Variants in UPF3A observed in about 807,000 individuals in gnomAD.
UPF3A encodes the protein regulator of nonsense transcripts 3A.
UPF3A carries 42 observed loss-of-function variants against 53.5 expected under a neutral mutation model. The ratio of observed to expected loss-of-function variants is 0.78; its 90% CI spans 0.61 to 1.01. The LOEUF (loss-of-function observed/expected upper bound fraction) is 1.01, where lower values mean the gene tolerates loss of function less well. UPF3A is among the 50% of genes least tolerant of loss of function. The pLI is 0.00. For missense variants in UPF3A, 575 were observed against 598.0 expected (o/e 0.96, Z 0.40); for synonymous variants, 237 against 225.3 (o/e 1.05, Z -0.47).
chr13:114,302,954 T>C (rs2086726794), intron 9 of UPF3A, among the ~76,000 whole-genome samples: 1 of 151,946 alleles, frequency 6.6e-6, no homozygotes, highest in Admixed American at 6.6e-5. Context: ...ATACAAAAAA[T>C]AGCTGGGCGT....
intron 9 of UPF3A, among the ~76,000 whole-genome samples, chr13:114,303,414 G>C (rs1184596387): frequency 1.3e-5 from 2 of 152,132 alleles, no homozygotes; most frequent in African/African-American, 4.8e-5. Flanking sequence ...TACTTTCCCG[G>C]GAGCCTGGCA....
intron 5 of UPF3A, among the ~76,000 whole-genome samples, chr13:114,290,936 G>C (rs2085214079): frequency 6.6e-6 from 1 of 151,594 alleles, no homozygotes; most frequent in East Asian, 1.9e-4. Context: ...GGTTTCCTTA[G>C]GTTGGTCAGG....
chr13:114,285,255 G>A (rs1230818153), intron 3 of UPF3A: 1 of 151,940 alleles, frequency 6.6e-6, no homozygotes, highest in Non-Finnish European at 1.5e-5. Flanking sequence ...GTATTACAAA[G>A]GTTTATTTCT....
chr13:114,300,946 G>T (rs756722374), intron 8 of UPF3A, among the ~76,000 whole-genome samples: 2 of 150,562 alleles, frequency 1.3e-5, no homozygotes, highest in Non-Finnish European at 2.9e-5. Context: ...AGAGTGCTGG[G>T]ATTACAGGCA....
intron 7 of UPF3A, 144 bp downstream of exon 7, chr13:114,291,936 C>A: frequency 8.6e-7 from 1 of 1,156,358 alleles, no homozygotes; most frequent in Non-Finnish European, 1.2e-6. Context: ...TCTTTTCCAT[C>A]TTTCTTTCCA....
chr13:114,283,982 G>T, intron 3 of UPF3A: 1 of 985,434 alleles, frequency 1.0e-6, no homozygotes, highest in Non-Finnish European at 1.2e-6. Context: ...TAGTTCCTGT[G>T]ACTAGAAGCA....
chr13:114,281,920 A>T (rs1244926708), intron 1 of UPF3A, 74 bp downstream of exon 1: 4 of 414,142 alleles, frequency 9.7e-6, no homozygotes, highest in Non-Finnish European at 1.7e-5. Flanking sequence ...GAGGGAGGGG[A>T]GGGAGGGGCG....
intron 3 of UPF3A, 30 bp downstream of exon 3, chr13:114,282,973 A>G: frequency 1.4e-6 from 2 of 1,464,912 alleles, no homozygotes; most frequent in African/African-American, 1.4e-5. Context: ...AAAATCTATT[A>G]TAATCTGTAG....
At chr13:114,283,690 C>G (rs2084360903) in intron 3 of UPF3A, 1 of 902,134 alleles carries the variant, frequency 1.1e-6, no homozygotes, top group Admixed American at 6.2e-5. Flanking sequence ...ACAGCTTTGC[C>G]TGCGGAGACA....
intron 3 of UPF3A, 162 bp from the exon 4 acceptor site, chr13:114,286,140 A>G: frequency 3.1e-6 from 3 of 957,282 alleles, no homozygotes; most frequent in Non-Finnish European, 4.4e-6. Context: ...AGGTTTTTTA[A>G]TCTTTTTTTT....
chr13:114,282,527 G>A, intron 2 of UPF3A: 1 of 985,468 alleles, frequency 1.0e-6, no homozygotes, highest in Non-Finnish European at 1.2e-6. Context: ...ACCGGAGAAG[G>A]TCCCCAAGTC....
intron 7 of UPF3A, among the ~76,000 whole-genome samples, chr13:114,294,908 C>G (rs376289478): frequency 6.7e-4 from 101 of 151,014 alleles, no homozygotes; most frequent in Non-Finnish European, 1.1e-3. Context: ...GTCAGGAGAT[C>G]GAGACCATCC....
chr13:114,301,884 A>T lies in UPF3A; in HGVS notation c.1161A>T (p.Arg387Ser). 1.2e-6 allele frequency: 2 copies of T among 1,611,306 alleles called. No homozygotes were observed. Among genetic ancestry groups the T allele is most frequent in the Non-Finnish European group, 8.5e-7 (1 of 1,178,886 alleles). Reference protein sequence around the residue: ...RLSRRSEDEQRWGKGPGQDRG... With the variant: ...RLSRRSEDEQSWGKGPGQDRG... ...CCAGAAGGAGTGAGGATGAGCAGAG[A>T]TGGGGGAAAGGACCTGGCCAAGACA... The change falls in exon 9 of 10, where the codon AGA (arginine) becomes AGT (serine). Residue 387 changes from arginine (R) to serine (S), a missense_variant. Transcript: ENST00000375299.
intron 7 of UPF3A, among the ~76,000 whole-genome samples, chr13:114,293,095 A>AAT (rs1555372068): frequency 6.1e-5 from 8 of 131,864 alleles, no homozygotes; most frequent in African/African-American, 9.4e-5. Flanking sequence ...AAAAAAAAAA[A>AAT]TTTCCTGGCC....
chr13:114,282,488 C>G, intron 2 of UPF3A: 1 of 985,438 alleles, frequency 1.0e-6, no homozygotes, highest in Non-Finnish European at 1.2e-6. Flanking sequence ...GGCCTCCACG[C>G]TGGTGCCGCA....
rs2085530226 is a variant in UPF3A at position 114,293,609 on chromosome 13, A to G, written c.846+1817A>G. ...TCTCTGTGTGAAATGTGTTGGCCAG[A>G]ATTGGGACCAGCCATTATCTCCTCA... On this transcript the variant is annotated intron_variant, in intron 7 of 9. Coordinates refer to ENST00000375299, the MANE Select transcript of UPF3A (RefSeq NM_023011.4). Among the ~76,000 whole-genome samples, 3 of 152,092 alleles carry G rather than the reference A, an allele frequency of 2.0e-5. No homozygotes were observed. The South Asian group carries it at 6.2e-4, about 32-fold the overall frequency.
intron 1 of UPF3A, 40 bp from the exon 2 acceptor site, chr13:114,281,981 A>G (rs1190545019): frequency 1.3e-6 from 2 of 1,525,294 alleles, no homozygotes; most frequent in Admixed American, 2.0e-5. Flanking sequence ...CTCCTTGTCC[A>G]CGCTCCGCCC....
chr13:114,295,648 A>AC (rs1034147455), intron 7 of UPF3A, among the ~76,000 whole-genome samples: 7 of 151,968 alleles, frequency 4.6e-5, no homozygotes, highest in Non-Finnish European at 7.4e-5. Flanking sequence ...TTTTGATGCT[A>AC]CCTGAGGTTA....
At chr13:114,284,383 ATG>A (rs35035838) in intron 3 of UPF3A, among the ~76,000 whole-genome samples, 9,588 of 150,434 alleles carry the variant, frequency 0.064, 373 homozygotes, top group Middle Eastern at 0.16. Flanking sequence ...GTGTATGTAT[ATG>A]TGTGTGTGTG....
Sources: gnomAD v4.1 joint callset for allele counts (sites outside exome capture counted in the v4.1 genomes callset) on GRCh38, gnomAD v4.1.1 for gene constraint, MANE v1.5 for transcripts, NCBI Gene and HGNC (gene_info 2026-07-23, HGNC 2026-07-21) for gene names.